The following FAM81B variants were observed in gnomAD, a reference collection of about 807,000 sequenced individuals.
FAM81B encodes protein FAM81B.
A neutral mutation model predicts 58.7 loss-of-function variants in FAM81B; 60 were observed. The ratio of observed to expected loss-of-function variants is 1.02; its 90% CI spans 0.83 to 1.27. FAM81B has a LOEUF of 1.27. FAM81B is among the 50% of genes most tolerant of loss of function. The pLI, the probability that FAM81B is intolerant of heterozygous loss-of-function variation, is 0.00. For synonymous variants in FAM81B, 189 were observed against 179.6 expected (o/e 1.05, Z -0.42); for missense variants, 491 against 522.0 (o/e 0.94, Z 0.58).
chr5:95,408,608 G>T (rs1762327771), intron 3 of FAM81B, among the ~76,000 whole-genome samples: 1 of 152,198 alleles, frequency 6.6e-6, no homozygotes, highest in South Asian at 2.1e-4. Context: ...GACTGCTTAG[G>T]CTTGAATACT....
Position 95,396,180 on chromosome 5 carries a change from G to A in FAM81B, c.293+5G>A. 1 of 1,591,576 alleles carries A rather than the reference G, an allele frequency of 6.3e-7. No homozygotes were observed. ...TCTAGTTGAATATGTTGACAAGTAAGTGTGTAAATTACAACTAGTTTTAAC... is the reference window on the plus strand; with the variant it reads ...TCTAGTTGAATATGTTGACAAGTAAATGTGTAAATTACAACTAGTTTTAAC... On this transcript the variant is annotated splice_donor_5th_base_variant and intron_variant, in intron 3 of 9. Transcript: ENST00000283357.
rs151192060 is a variant in FAM81B at position 95,398,836 on chromosome 5, G to A, written c.293+2661G>A. Among the ~76,000 whole-genome samples, 93 of 152,278 alleles carry A rather than the reference G, an allele frequency of 6.1e-4. 1 individual carries two copies. Among genetic ancestry groups the A allele is most frequent in the Non-Finnish European group, 1.1e-3 (72 of 68,014 alleles). On this transcript the variant is annotated intron_variant, in intron 3 of 9. Transcript: ENST00000283357. ...ACATCTAGGGGAAGAGCAAAGTTTC[G>A]AAGGCAGGAATATTCTTACGGTGTA... is the stretch of plus-strand genomic sequence containing the variant.
intron 5 of FAM81B, among the ~76,000 whole-genome samples, chr5:95,426,927 T>C (rs1762854835): frequency 6.6e-6 from 1 of 152,128 alleles, no homozygotes; most frequent in Admixed American, 6.5e-5. Context: ...CGCATGCCTG[T>C]AGTCCTAGCT....
intron 6 of FAM81B, among the ~76,000 whole-genome samples, chr5:95,429,202 A>G (rs115305699): frequency 1.3e-5 from 2 of 152,198 alleles, no homozygotes; most frequent in African/African-American, 4.8e-5. Flanking sequence ...TTTAAAGGCC[A>G]TCTGTGCTTC....
At chr5:95,406,587 G>A (rs1582790962) in intron 3 of FAM81B, among the ~76,000 whole-genome samples, 1 of 152,268 alleles carries the variant, frequency 6.6e-6, no homozygotes, top group East Asian at 1.9e-4. Context: ...CCAGCTGGCA[G>A]CACTCCCAAC....
rs71617108 is a variant in FAM81B, at chr5:95,400,433, TAC to T, written c.293+4274_293+4275del. On this transcript the variant is annotated intron_variant, in intron 3 of 9. Coordinates refer to ENST00000283357, the MANE Select transcript of FAM81B (RefSeq NM_152548.3). ...ATACATACATACATACATACATACA[TAC>T]ACACACACACACACATACATACATA... 2.4e-3 allele frequency among the ~76,000 whole-genome samples: 329 copies of T among 138,018 alleles called. 1 individual carries two copies. The highest frequency in any genetic ancestry group is 5.6e-3 in the Admixed American group (81 of 14,408). The allele number at this position is 138,018 out of a possible 152,430, so 90.5% of individuals were successfully genotyped here.
rs70978184 is a variant in FAM81B, at chr5:95,395,442, C to CAAA, written c.229-652_229-650dup. Among the ~76,000 whole-genome samples, 48 of 102,968 alleles carry CAAA rather than the reference C, an allele frequency of 4.7e-4. 2 individuals are homozygous for CAAA. The highest frequency in any genetic ancestry group is 1.1e-3 in the East Asian group (4 of 3,780). 67.6% of individuals were successfully genotyped at this position (102,968 alleles called of 152,430 possible). A position where few individuals can be genotyped will look rare whatever the true frequency, so the allele number is the denominator to read the frequency against. ...TGGGCGACAGAGCGAGACCCCGTCT[C>CAAA]AAAAAAAAAAAAAAAAAAAGAATTT... On this transcript the variant is annotated intron_variant, in intron 2 of 9. Transcript: ENST00000283357.
intron 6 of FAM81B, among the ~76,000 whole-genome samples, chr5:95,429,773 A>G (rs548022294): frequency 5.9e-4 from 90 of 152,312 alleles, no homozygotes; most frequent in African/African-American, 2.1e-3. Flanking sequence ...CATAGAAGGC[A>G]ACTTATCTGG....
intron 3 of FAM81B, among the ~76,000 whole-genome samples, chr5:95,404,819 A>T (rs751514121): frequency 6.6e-5 from 10 of 152,214 alleles, no homozygotes; most frequent in Non-Finnish European, 1.5e-5. Flanking sequence ...AATAAACAGA[A>T]ACAAGTAAAT....
At chr5:95,400,435 C>CGT (rs111266703) in intron 3 of FAM81B, among the ~76,000 whole-genome samples, 86 of 143,504 alleles carry the variant, frequency 6.0e-4, no homozygotes, top group African/African-American at 2.2e-3. Context: ...TACATACATA[C>CGT]ACACACACAC....
chr5:95,415,477 G>A (rs1414631553), intron 4 of FAM81B, among the ~76,000 whole-genome samples: 1 of 152,136 alleles, frequency 6.6e-6, no homozygotes, highest in African/African-American at 2.4e-5. Context: ...AAAACTCTCA[G>A]TGAACTTTTA....
rs1045132721 is a variant in FAM81B at position 95,394,422 on chromosome 5, A to G, written c.228+1525A>G. The stretch of plus-strand genomic sequence containing the variant: ...CCAACCGGTTGCTGAGGAAATGCCA[A>G]AAATAGATCCCCACACAGACCAGAG... On this transcript the variant is annotated intron_variant, in intron 2 of 9. Transcript: ENST00000283357. 2.6e-5 allele frequency among the ~76,000 whole-genome samples: 4 copies of G among 152,252 alleles called. No individual in the cohort carries two copies. The South Asian group carries it at 6.2e-4, about 24-fold the overall frequency.
At chr5:95,448,091 A>T (rs1308508632) in intron 8 of FAM81B, among the ~76,000 whole-genome samples, 178 bp from the exon 9 acceptor site, 1 of 152,184 alleles carries the variant, frequency 6.6e-6, no homozygotes, top group Non-Finnish European at 1.5e-5. Context: ...AGAAACTACA[A>T]ATGAACAGGG....
In FAM81B at chr5:95,396,046, A is replaced by T. The variant is rs1337174851; in HGVS notation, c.229-65A>T. The T allele has an allele frequency of 4.7e-6, 6 of 1,268,380 alleles. No individual in the cohort carries two copies. The African/African-American group carries it at 9.0e-5, about 19-fold the overall frequency. The allele number at this position is 1,268,380 out of a possible 1,614,324, so 78.6% of individuals were successfully genotyped here. ...TTAAAATTAAAACTCTTTAAAGATA[A>T]ACTGCATAGAAGTAATCTGTAAAGA... On this transcript the variant is annotated intron_variant, in intron 2 of 9. Coordinates refer to ENST00000283357, the MANE Select transcript of FAM81B (RefSeq NM_152548.3).
intron 2 of FAM81B, among the ~76,000 whole-genome samples, chr5:95,394,434 C>A (rs1761909597): frequency 6.6e-6 from 1 of 152,068 alleles, no homozygotes; most frequent in Admixed American, 6.6e-5. Context: ...AATAGATCCC[C>A]ACACAGACCA....
chr5:95,433,284 G>A (rs1213071663), intron 6 of FAM81B, among the ~76,000 whole-genome samples: 1 of 152,056 alleles, frequency 6.6e-6, no homozygotes, highest in Non-Finnish European at 1.5e-5. Context: ...TGTTTTACAT[G>A]GTGGCAGGCA....
chr5:95,411,442 T>C (rs1224130598), intron 3 of FAM81B, among the ~76,000 whole-genome samples: 2 of 152,156 alleles, frequency 1.3e-5, no homozygotes, highest in African/African-American at 4.8e-5. Context: ...AAATAGGCAA[T>C]AGTAACATTT....
chr5:95,391,457 T>A lies in FAM81B; in HGVS notation c.68T>A (p.Phe23Tyr). 1 of 1,613,732 alleles carries A rather than the reference T, an allele frequency of 6.2e-7. No homozygotes were observed. Among genetic ancestry groups the A allele is most frequent in the South Asian group, 1.1e-5 (1 of 91,064 alleles). Residue 23 changes from phenylalanine (F) to tyrosine (Y), a missense_variant, in exon 1 of 10, where the codon TTC becomes TAC. Physicochemically the swap from Phe to Tyr is conservative, Grantham distance 22. Coordinates refer to ENST00000283357, the MANE Select transcript of FAM81B (RefSeq NM_152548.3). ...EKRKKSQRLF[F>Y]KNIKSTKNKA... ...AGAAAAAAATCACAGAGATTGTTTT[T>A]CAAAAATATCAAATCTACAAAAAAT...
At chr5:95,400,401 C>CACAT (rs754629589) in intron 3 of FAM81B, among the ~76,000 whole-genome samples, 3,494 of 147,552 alleles carry the variant, frequency 0.024, 63 homozygotes, top group African/African-American at 0.029. Context: ...CAGCCACCTT[C>CACAT]ACATACATAC....
Sources: allele counts gnomAD v4.1 joint callset (sites outside exome capture counted in the v4.1 genomes callset), GRCh38; gene constraint gnomAD v4.1.1; transcripts MANE v1.5; gene names NCBI Gene and HGNC (gene_info 2026-07-23, HGNC 2026-07-21).